Variants in EYA4 observed in about 807,000 individuals in gnomAD.
EYA4 encodes protein phosphatase EYA4.
EYA4 carries 31 observed loss-of-function variants against 87.9 expected under a neutral mutation model. The observed-to-expected ratio is 0.35, with a 90% CI of 0.27 to 0.48. The LOEUF (loss-of-function observed/expected upper bound fraction) is 0.48. Among genes scored for constraint, EYA4 ranks in the 20% least tolerant of loss-of-function variants. EYA4 has a pLI of 0.99. For missense variants in EYA4, 678 were observed against 761.4 expected (o/e 0.89, Z 1.29); for synonymous variants, 263 against 270.6 (o/e 0.97, Z 0.28).
At chr6:133,515,084 G>A (rs1022032364) in intron 16 of EYA4, among the ~76,000 whole-genome samples, 8 of 152,130 alleles carry the variant, frequency 5.3e-5, no homozygotes, top group African/African-American at 1.7e-4. Context: ...GCAGAGACTG[G>A]GGCCACTTTT....
Position 133,530,713 on chromosome 6 carries a change from C to A in EYA4, c.*1908C>A. ...ATTGGGTAGAAAGATATTGAGATCC[C>A]AATTTTGTACAAGATTGTGATTTCA... On this transcript the variant is annotated 3_prime_UTR_variant, in exon 20 of 20. Transcript: ENST00000355286. The A allele has an allele frequency of 3.0e-6, 3 of 985,788 alleles. No homozygotes were observed. The highest frequency in any genetic ancestry group is 3.6e-6 in the Non-Finnish European group (3 of 829,892). The allele number at this position is 985,788 out of a possible 1,614,324, so 61.1% of individuals were successfully genotyped here.
In EYA4 at chr6:133,383,595, A is replaced by G. The variant is rs963558504; in HGVS notation, c.83+1154A>G. ...TTTGTAGAGTAAGTGTATCTTATGT[A>G]TAGTCCACTTATAGTTTGAGTAACT... On this transcript the variant is annotated intron_variant, in intron 3 of 19. Transcript: ENST00000355286. 3.4e-5 allele frequency among the ~76,000 whole-genome samples: 5 copies of G among 147,318 alleles called. No individual in the cohort carries two copies. The East Asian group carries it at 6.2e-4, about 18-fold the overall frequency.
intron 13 of EYA4, among the ~76,000 whole-genome samples, chr6:133,494,577 G>C (rs1224296168): frequency 6.6e-6 from 1 of 151,498 alleles, no homozygotes; most frequent in Non-Finnish European, 1.5e-5. Context: ...AGTAGCTCAG[G>C]CCTGTAATCC....
chr6:133,456,168 G>A (rs981050725), intron 5 of EYA4, among the ~76,000 whole-genome samples: 1 of 151,854 alleles, frequency 6.6e-6, no homozygotes, highest in Non-Finnish European at 1.5e-5. Flanking sequence ...ATATCTTCCT[G>A]GGAAAAATAA....
chr6:133,400,571 G>C (rs899691327), intron 3 of EYA4, among the ~76,000 whole-genome samples: 4 of 151,692 alleles, frequency 2.6e-5, no homozygotes, highest in African/African-American at 9.7e-5. Context: ...TAAATAATCT[G>C]TTCTAATATA....
chr6:133,439,992 G>C (rs1481339118), intron 3 of EYA4, among the ~76,000 whole-genome samples: 2 of 152,108 alleles, frequency 1.3e-5, no homozygotes, highest in Non-Finnish European at 2.9e-5. Flanking sequence ...ACTGCACAAG[G>C]GCTAACCTCA....
At chr6:133,410,629 G>GTTTTTTTTTTT (rs1554252058) in intron 3 of EYA4, among the ~76,000 whole-genome samples, 2 of 148,360 alleles carry the variant, frequency 1.3e-5, no homozygotes, top group African/African-American at 2.4e-5. Context: ...TAGAACTAAG[G>GTTTTTTTTTTT]TCTTAATTCC....
In EYA4 at chr6:133,315,041, G is replaced by C. The variant is rs577583317; in HGVS notation, c.33+40228G>C. Among the ~76,000 whole-genome samples, 36 of 152,264 alleles carry C rather than the reference G, an allele frequency of 2.4e-4. No homozygotes were observed. The South Asian group carries it at 6.4e-3, about 27-fold the overall frequency. ...TGTTGCGTCTCCCCAGCTACCCTCA[G>C]AGAAAACCACATGTCTAAGCTGAGG... is the stretch of plus-strand genomic sequence containing the variant. On this transcript the variant is annotated intron_variant, in intron 2 of 19. Coordinates refer to ENST00000355286, the MANE Select transcript of EYA4 (RefSeq NM_004100.5).
At chr6:133,391,365 G>A (rs1434602714) in intron 3 of EYA4, among the ~76,000 whole-genome samples, 1 of 152,008 alleles carries the variant, frequency 6.6e-6, no homozygotes, top group Non-Finnish European at 1.5e-5. Flanking sequence ...GAGTAGCTGG[G>A]ATTACAGGCA....
intron 13 of EYA4, among the ~76,000 whole-genome samples, chr6:133,492,012 T>C (rs898510915): frequency 5.4e-5 from 8 of 149,366 alleles, no homozygotes; most frequent in Non-Finnish European, 8.9e-5. Flanking sequence ...ATGACTTTAC[T>C]GCTGAATTTT....
rs1465995764 is a variant in EYA4 at position 133,472,322 on chromosome 6, TC to T, written c.970+3592del. Among the ~76,000 whole-genome samples, 59 of 96,016 alleles carry T rather than the reference TC, an allele frequency of 6.1e-4. 1 individual carries two copies. The highest frequency in any genetic ancestry group is 2.7e-3 in the African/African-American group (55 of 20,112). The allele number at this position is 96,016 out of a possible 152,430, so 63.0% of individuals were successfully genotyped here. A position where few individuals can be genotyped will look rare whatever the true frequency, so the allele number is the denominator to read the frequency against. On this transcript the variant is annotated intron_variant, in intron 11 of 19. Transcript: ENST00000355286. ...TTGTTCTCGTTGGTTTCGAAGAACATCTTTATTTCTGCCTTCATTTCGTTAT... is the reference window on the plus strand; with the variant it reads ...TTGTTCTCGTTGGTTTCGAAGAACATTTTATTTCTGCCTTCATTTCGTTAT...
At chr6:133,437,726 C>T (rs1791830142) in intron 3 of EYA4, among the ~76,000 whole-genome samples, 1 of 152,020 alleles carries the variant, frequency 6.6e-6, no homozygotes, top group Non-Finnish European at 1.5e-5. Flanking sequence ...ACCTTCTTCC[C>T]AAGGTAGCAG....
At chr6:133,364,144 A>G (rs554909442) in intron 2 of EYA4, among the ~76,000 whole-genome samples, 8 of 152,176 alleles carry the variant, frequency 5.3e-5, no homozygotes, top group Non-Finnish European at 1.0e-4. Flanking sequence ...GCCCTGGCCA[A>G]TACTCCCCTT....
Position 133,530,014 on chromosome 6 carries a change from T to G in EYA4, c.*1209T>G. The G allele has an allele frequency of 3.0e-6, 3 of 985,192 alleles. No homozygotes were observed. The highest frequency in any genetic ancestry group is 1.1e-4 in the East Asian group (1 of 8,808). The allele number at this position is 985,192 out of a possible 1,614,324, so 61.0% of individuals were successfully genotyped here. On this transcript the variant is annotated 3_prime_UTR_variant, in exon 20 of 20. Transcript: ENST00000355286. ...ACAGGGCTTAAAATAAAGCTAAGTATGTTTATTCCCAATGCCATGGCAAAA... is the reference window on the plus strand; with the variant it reads ...ACAGGGCTTAAAATAAAGCTAAGTAGGTTTATTCCCAATGCCATGGCAAAA...
At chr6:133,524,043 A>G (rs529364022) in intron 18 of EYA4, among the ~76,000 whole-genome samples, 2 of 152,264 alleles carry the variant, frequency 1.3e-5, no homozygotes, top group South Asian at 4.1e-4. Context: ...CAGCTGTTTC[A>G]AGAGTACAGT....
At chr6:133,460,901 G>T (rs920056092) in intron 6 of EYA4, among the ~76,000 whole-genome samples, 2 of 152,152 alleles carry the variant, frequency 1.3e-5, no homozygotes, top group African/African-American at 2.4e-5. Flanking sequence ...CAGAGGGAAT[G>T]ATTTGTGAGA....
chr6:133,373,389 CTATT>C (rs1338366784), intron 2 of EYA4, among the ~76,000 whole-genome samples: 1 of 151,936 alleles, frequency 6.6e-6, no homozygotes, highest in Non-Finnish European at 1.5e-5. Flanking sequence ...CAAATTTTCT[CTATT>C]TAGGGGACTA....
chr6:133,269,869 G>C (rs571038774), intron 1 of EYA4, among the ~76,000 whole-genome samples: 11 of 152,018 alleles, frequency 7.2e-5, no homozygotes, highest in South Asian at 2.1e-4. Flanking sequence ...ACAATCACAG[G>C]GTCCTCCAAT....
intron 3 of EYA4, among the ~76,000 whole-genome samples, chr6:133,386,777 A>C (rs535505120): frequency 6.6e-6 from 1 of 152,304 alleles, no homozygotes; most frequent in South Asian, 2.1e-4. Context: ...CACCAGTAGA[A>C]TATAGTAAGG....
Sources: gnomAD v4.1 joint callset for allele counts (sites outside exome capture counted in the v4.1 genomes callset) on GRCh38, gnomAD v4.1.1 for gene constraint, MANE v1.5 for transcripts, NCBI Gene and HGNC (gene_info 2026-07-23, HGNC 2026-07-21) for gene names.